The following STPG2 variants were observed in gnomAD, a reference collection of about 807,000 sequenced individuals.
STPG2 encodes sperm-tail PG-rich repeat-containing protein 2.
STPG2 carries 56 observed loss-of-function variants against 54.2 expected under a neutral mutation model. The observed-to-expected ratio is 1.03, with a 90% CI of 0.83 to 1.29. The LOEUF is 1.29. Ranked by LOEUF, STPG2 falls within the 50% of genes most tolerant of loss-of-function variation. The pLI is 0.00. For missense variants in STPG2, 596 were observed against 544.9 expected, an observed-to-expected ratio of 1.09 and a Z score of -0.93; for synonymous variants, 200 against 181.8, an observed-to-expected ratio of 1.10 and a Z score of -0.81.
At chr4:97,615,993 C>T (rs184511277) in intron 10 of STPG2, among the ~76,000 whole-genome samples, 74 of 140,504 alleles carry the variant, frequency 5.3e-4, no homozygotes, top group African/African-American at 1.6e-3. Context: ...GCTGAGATCA[C>T]GCCACTGTAC....
At chr4:97,732,141 C>T (rs1187111189) in intron 9 of STPG2, among the ~76,000 whole-genome samples, 1 of 152,158 alleles carries the variant, frequency 6.6e-6, no homozygotes, top group Non-Finnish European at 1.5e-5. Flanking sequence ...GATGGAGAGC[C>T]TCAAGGGACA....
chr4:98,025,882 T>A, intron 5 of STPG2: 1 of 1,596,880 alleles, frequency 6.3e-7, no homozygotes, highest in African/African-American at 1.3e-5. Flanking sequence ...TGAAGGGAGC[T>A]GTGGATGGAG....
intron 9 of STPG2, among the ~76,000 whole-genome samples, chr4:97,756,677 G>A (rs1725742373): frequency 6.6e-6 from 1 of 151,956 alleles, no homozygotes; most frequent in Non-Finnish European, 1.5e-5. Context: ...GGGGAAATTA[G>A]TGTCTTTTAG....
chr4:97,825,950 AG>A (rs1728246152), intron 9 of STPG2, among the ~76,000 whole-genome samples: 1 of 152,194 alleles, frequency 6.6e-6, no homozygotes, highest in Non-Finnish European at 1.5e-5. Context: ...TAAATGCTTT[AG>A]GGTCATAAAC....
At chr4:97,489,455 A>C (rs1730451275) in intron 4 of STPG2, among the ~76,000 whole-genome samples, 1 of 151,794 alleles carries the variant, frequency 6.6e-6, no homozygotes, top group East Asian at 2.0e-4. Flanking sequence ...ACCAGATGAG[A>C]GGCTACATAT....
chr4:98,060,786 C>G (rs917285164), intron 5 of STPG2, among the ~76,000 whole-genome samples: 2 of 152,088 alleles, frequency 1.3e-5, no homozygotes, highest in African/African-American at 4.8e-5. Context: ...ACCTGATCTT[C>G]TGCAAAGCTG....
intron 5 of STPG2, chr4:98,026,233 C>A: frequency 9.7e-7 from 1 of 1,035,902 alleles, no homozygotes; most frequent in Non-Finnish European, 1.5e-6. Context: ...AAGCAAGCCC[C>A]CTCAAGAGCT....
chr4:97,450,432 A>G (rs970180458), intron 4 of STPG2, among the ~76,000 whole-genome samples: 4 of 152,198 alleles, frequency 2.6e-5, no homozygotes, highest in African/African-American at 9.6e-5. Context: ...ATAAAATCAA[A>G]CATTGATAAG....
rs189726136 is a variant in STPG2 at position 97,606,568 on chromosome 4, A to C, written c.1321-47451T>G. Among the ~76,000 whole-genome samples, 261 of 152,140 alleles carry C rather than the reference A, an allele frequency of 1.7e-3. 1 individual carries two copies. Among genetic ancestry groups the C allele is most frequent in the South Asian group, 9.3e-3 (45 of 4,830 alleles). On this transcript the variant is annotated intron_variant, in intron 10 of 10. Transcript: ENST00000295268. ...ATGTGCTTCAACAAGAAAACTAATT[A>C]AATGTAATACAAGTTTGAGTCATTC...
chr4:97,938,455 A>ACTGCCTTTCACCC (rs374685227), intron 8 of STPG2, among the ~76,000 whole-genome samples: 1 of 151,682 alleles, frequency 6.6e-6, no homozygotes. Flanking sequence ...CACAGTGACT[A>ACTGCCTTTCACCC]AGTCAGAAGG....
At chr4:97,879,606 C>T (rs1730299652) in intron 8 of STPG2, among the ~76,000 whole-genome samples, 1 of 152,144 alleles carries the variant, frequency 6.6e-6, no homozygotes, top group South Asian at 2.1e-4. Flanking sequence ...TGTCTCTTAC[C>T]AGGTCCCCCC....
chr4:98,086,631 G>T (rs1738522320), intron 5 of STPG2, among the ~76,000 whole-genome samples: 1 of 85,292 alleles, frequency 1.2e-5, no homozygotes. Context: ...TAGACAAATA[G>T]AAACCTGTTA....
intron 10 of STPG2, among the ~76,000 whole-genome samples, chr4:97,632,870 A>G (rs181012192): frequency 6.6e-6 from 1 of 152,188 alleles, no homozygotes; most frequent in Non-Finnish European, 1.5e-5. Context: ...ACATGACCTC[A>G]GACATTATCA....
At chr4:97,815,686 A>T (rs1727886328) in intron 9 of STPG2, among the ~76,000 whole-genome samples, 1 of 152,114 alleles carries the variant, frequency 6.6e-6, no homozygotes. Flanking sequence ...CTCTTCTGGG[A>T]AAAGGTTAGT....
intron 5 of STPG2, among the ~76,000 whole-genome samples, chr4:98,103,653 A>ATAAAATAAAT (rs1400847624): frequency 6.6e-6 from 1 of 151,596 alleles, no homozygotes; most frequent in Non-Finnish European, 1.5e-5. Context: ...AAAAAATAAA[A>ATAAAATAAAT]TAAAATAAAA....
At chr4:97,460,648 T>C (rs962047054) in intron 4 of STPG2, among the ~76,000 whole-genome samples, 11 of 152,262 alleles carry the variant, frequency 7.2e-5, no homozygotes, top group Admixed American at 5.9e-4. Flanking sequence ...ATTGCACAAG[T>C]ATAATTTAAT....
intron 7 of STPG2, among the ~76,000 whole-genome samples, chr4:97,944,656 AT>A (rs1733131693): frequency 6.6e-6 from 1 of 152,068 alleles, no homozygotes; most frequent in African/African-American, 2.4e-5. Context: ...CTATTTTCCC[AT>A]TTTTTTACAC....
chr4:97,903,602 G>A (rs60007031), intron 8 of STPG2, among the ~76,000 whole-genome samples: 1 of 151,944 alleles, frequency 6.6e-6, no homozygotes, highest in South Asian at 2.1e-4. Flanking sequence ...AAAAAGAGGG[G>A]AAGGAGCCAA....
intron 10 of STPG2, among the ~76,000 whole-genome samples, chr4:97,591,858 G>A (rs971282494): frequency 3.3e-5 from 5 of 151,976 alleles, no homozygotes; most frequent in East Asian, 1.9e-4. Flanking sequence ...AATTTGTTGC[G>A]ATTCATAAGA....
Sources: allele counts gnomAD v4.1 joint callset (sites outside exome capture counted in the v4.1 genomes callset), GRCh38; gene constraint gnomAD v4.1.1; transcripts MANE v1.5; gene names NCBI Gene and HGNC (gene_info 2026-07-23, HGNC 2026-07-21).